The following DGKB variants were observed in gnomAD, a reference collection of about 807,000 sequenced individuals.
DGKB encodes 90 kDa diacylglycerol kinase.
DGKB carries 67 observed loss-of-function variants against 114.3 expected under a neutral mutation model. The observed-to-expected ratio is 0.59, with a 90% CI of 0.48 to 0.72. DGKB has a LOEUF of 0.72. Among genes scored for constraint, DGKB ranks in the 30% least tolerant of loss-of-function variants. DGKB has a pLI of 0.00. For synonymous variants in DGKB, 398 were observed against 323.1 expected (o/e 1.23, Z -2.49); for missense variants, 907 against 975.2 (o/e 0.93, Z 0.93).
intron 21 of DGKB, among the ~76,000 whole-genome samples, chr7:14,473,832 C>T (rs1316228139): frequency 6.6e-6 from 1 of 152,176 alleles, no homozygotes; most frequent in East Asian, 1.9e-4. Flanking sequence ...TGTGTGGGGG[C>T]ATGTAGCCCC....
At chr7:14,207,782 G>A (rs938553510) in intron 23 of DGKB, among the ~76,000 whole-genome samples, 12 of 152,042 alleles carry the variant, frequency 7.9e-5, no homozygotes, top group Admixed American at 1.3e-4. Flanking sequence ...GGGAACCAGG[G>A]CACACAAACC....
chr7:14,354,621 G>A (rs139817088), intron 21 of DGKB, among the ~76,000 whole-genome samples: 1 of 152,286 alleles, frequency 6.6e-6, no homozygotes, highest in Non-Finnish European at 1.5e-5. Flanking sequence ...GATGGTATGT[G>A]TGTATACAAT....
At chr7:14,743,471 G>C (rs186666113) in intron 4 of DGKB, among the ~76,000 whole-genome samples, 57 of 152,132 alleles carry the variant, frequency 3.7e-4, no homozygotes, top group Middle Eastern at 3.4e-3. Flanking sequence ...CATTTAACAG[G>C]CTTCCCCAAA....
At chr7:14,646,228 G>A (rs62445645) in intron 13 of DGKB, among the ~76,000 whole-genome samples, 12 of 152,192 alleles carry the variant, frequency 7.9e-5, no homozygotes, top group African/African-American at 2.9e-4. Context: ...ATCTATATTT[G>A]TATCAGACAA....
At chr7:14,640,602 ATT>A (rs1811588304) in intron 13 of DGKB, among the ~76,000 whole-genome samples, 1 of 152,184 alleles carries the variant, frequency 6.6e-6, no homozygotes, top group South Asian at 2.1e-4. Context: ...AACTATCCTT[ATT>A]CCACATAAAG....
At chr7:14,970,439 C>T (rs964364845) in intron 1 of DGKB, among the ~76,000 whole-genome samples, 1 of 150,872 alleles carries the variant, frequency 6.6e-6, no homozygotes, top group Non-Finnish European at 1.5e-5. Flanking sequence ...GAGGCAGAAA[C>T]AGGTTTGGCA....
intron 13 of DGKB, among the ~76,000 whole-genome samples, chr7:14,661,145 C>T (rs889508274): frequency 3.3e-5 from 5 of 152,026 alleles, no homozygotes; most frequent in Admixed American, 2.6e-4. Flanking sequence ...TAGGCATGGG[C>T]AAGGACTTCG....
intron 13 of DGKB, among the ~76,000 whole-genome samples, chr7:14,670,975 T>C (rs770446483): frequency 3.9e-5 from 6 of 152,154 alleles, no homozygotes; most frequent in Non-Finnish European, 8.8e-5. Flanking sequence ...GGATAGCATA[T>C]ATGCTCAATC....
At chr7:14,647,813 G>C (rs569543856) in intron 13 of DGKB, among the ~76,000 whole-genome samples, 1 of 152,212 alleles carries the variant, frequency 6.6e-6, no homozygotes, top group Non-Finnish European at 1.5e-5. Context: ...GAAGCAGGGC[G>C]AGGCATTGCC....
At chr7:14,264,593 T>A (rs1414173952) in intron 23 of DGKB, among the ~76,000 whole-genome samples, 1 of 152,208 alleles carries the variant, frequency 6.6e-6, no homozygotes, top group Non-Finnish European at 1.5e-5. Flanking sequence ...TTGCAATTTT[T>A]AGATCTATGA....
intron 13 of DGKB, among the ~76,000 whole-genome samples, chr7:14,636,615 T>C (rs80002153): frequency 9.9e-5 from 15 of 151,976 alleles, no homozygotes; most frequent in South Asian, 2.1e-4. Context: ...ACGATAACTA[T>C]AGAATCTTTA....
intron 4 of DGKB, among the ~76,000 whole-genome samples, chr7:14,746,827 T>G (rs558263685): frequency 1.3e-5 from 2 of 152,134 alleles, no homozygotes; most frequent in South Asian, 2.1e-4. Context: ...TACAGAAAAC[T>G]GTAAAATTCA....
chr7:14,532,941 C>T (rs911053751), intron 20 of DGKB, among the ~76,000 whole-genome samples: 1 of 151,710 alleles, frequency 6.6e-6, no homozygotes, highest in African/African-American at 2.4e-5. Flanking sequence ...TGCAAATGGG[C>T]AGACACCATT....
At chr7:14,860,384 A>G (rs1586969944) in intron 1 of DGKB, among the ~76,000 whole-genome samples, 2 of 152,188 alleles carry the variant, frequency 1.3e-5, no homozygotes, top group East Asian at 3.9e-4. Context: ...TGACAATTGC[A>G]TACATTCACG....
chr7:14,328,300 C>T (rs546190062), intron 23 of DGKB, among the ~76,000 whole-genome samples: 2 of 151,936 alleles, frequency 1.3e-5, no homozygotes, highest in African/African-American at 2.4e-5. Context: ...TAATGTTCTT[C>T]GTTATTCAAT....
chr7:14,542,236 C>A (rs1419635813), intron 20 of DGKB, among the ~76,000 whole-genome samples: 1 of 151,948 alleles, frequency 6.6e-6, no homozygotes, highest in Non-Finnish European at 1.5e-5. Context: ...CCAGGCTGGT[C>A]TCAAACTCTT....
At chr7:14,407,099 G>A (rs971343201) in intron 21 of DGKB, among the ~76,000 whole-genome samples, 3 of 152,038 alleles carry the variant, frequency 2.0e-5, no homozygotes, top group Admixed American at 6.6e-5. Flanking sequence ...AGGATGTAAA[G>A]TAGAAGTCAG....
At chr7:14,761,406 G>A (rs1306077172) in intron 2 of DGKB, among the ~76,000 whole-genome samples, 1 of 152,072 alleles carries the variant, frequency 6.6e-6, no homozygotes, top group Non-Finnish European at 1.5e-5. Context: ...ACCTTCTTTT[G>A]GGGGGAACAC....
chr7:14,648,990 C>T lies in DGKB; in HGVS notation c.1135-18722G>A, dbSNP rs542788486. Among the ~76,000 whole-genome samples, 7 of 72,386 alleles carry T rather than the reference C, an allele frequency of 9.7e-5. 2 individuals are homozygous for T. The South Asian group carries it at 2.3e-3, about 24-fold the overall frequency. 47.5% of individuals were successfully genotyped at this position (72,386 alleles called of 152,430 possible). ...AGCAAAGCCTCCAAGAAATATGGGA[C>T]TATGTGAAAAGACCAAATCTACGTC... On this transcript the variant is annotated intron_variant, in intron 13 of 25. Coordinates refer to ENST00000402815, the MANE Select transcript of DGKB (RefSeq NM_001350709.2).
Sources: gnomAD v4.1 joint callset for allele counts (sites outside exome capture counted in the v4.1 genomes callset) on GRCh38, gnomAD v4.1.1 for gene constraint, MANE v1.5 for transcripts, NCBI Gene and HGNC (gene_info 2026-07-23, HGNC 2026-07-21) for gene names.